RBMS3: variants seen among roughly 807,000 people sequenced by gnomAD.
The protein encoded by RBMS3 is RNA binding motif single stranded interacting protein 3.
In RBMS3, 27 loss-of-function variants were observed where a neutral mutation model predicts 66.8. That is an observed-to-expected ratio of 0.40 (90% CI 0.30 to 0.56). RBMS3 has a LOEUF of 0.56. Ranked by LOEUF, RBMS3 falls within the 20% of genes least tolerant of loss-of-function variation. The pLI is 0.40. For missense variants in RBMS3, 513 were observed against 549.5 expected, an observed-to-expected ratio of 0.93 and a Z score of 0.66; for synonymous variants, 188 against 183.0, an observed-to-expected ratio of 1.03 and a Z score of -0.22.
intron 4 of RBMS3, among the ~76,000 whole-genome samples, chr3:29,673,326 C>A (rs2051087881): frequency 6.6e-6 from 1 of 152,044 alleles, no homozygotes; most frequent in Non-Finnish European, 1.5e-5. Context: ...CCTAAAATCA[C>A]AATTAAAAGA....
At chr3:29,805,220 C>T (rs1421690102) in intron 6 of RBMS3, among the ~76,000 whole-genome samples, 1 of 151,950 alleles carries the variant, frequency 6.6e-6, no homozygotes, top group African/African-American at 2.4e-5. Context: ...TAGCACAATG[C>T]TCTGCTTACA....
At chr3:29,797,433 A>G (rs1426666781) in intron 6 of RBMS3, among the ~76,000 whole-genome samples, 2 of 152,198 alleles carry the variant, frequency 1.3e-5, no homozygotes, top group Admixed American at 1.3e-4. Flanking sequence ...AAATGTAGCT[A>G]GTTTGATCTT....
At chr3:29,819,884 A>G (rs2058026380) in intron 6 of RBMS3, among the ~76,000 whole-genome samples, 1 of 152,090 alleles carries the variant, frequency 6.6e-6, no homozygotes, top group Non-Finnish European at 1.5e-5. Flanking sequence ...TGTTTTTATA[A>G]TCTACTCCTT....
At chr3:29,640,255 TACAC>T (rs34719305) in intron 4 of RBMS3, among the ~76,000 whole-genome samples, 3,787 of 140,072 alleles carry the variant, frequency 0.027, 52 homozygotes, top group Admixed American at 0.037. Flanking sequence ...ACATTTTGGT[TACAC>T]ACACACACAC....
chr3:29,760,729 G>C (rs143924948), intron 5 of RBMS3, among the ~76,000 whole-genome samples: 115 of 151,836 alleles, frequency 7.6e-4, no homozygotes, highest in Non-Finnish European at 1.5e-3. Flanking sequence ...AAACTTGAAA[G>C]AGTTAGGAAA....
chr3:29,403,006 GA>G (rs952591833), intron 1 of RBMS3, among the ~76,000 whole-genome samples: 44 of 147,356 alleles, frequency 3.0e-4, no homozygotes, highest in East Asian at 9.9e-4. Context: ...TGTAGCAACT[GA>G]AAAAAAAAAG....
chr3:29,996,863 A>C (rs1051187607), intron 14 of RBMS3, among the ~76,000 whole-genome samples: 5 of 152,068 alleles, frequency 3.3e-5, no homozygotes, highest in Non-Finnish European at 5.9e-5. Flanking sequence ...AAGAACTAGA[A>C]AAGCAAGAGC....
At chr3:29,283,164 C>T (rs1330484637) in intron 1 of RBMS3, among the ~76,000 whole-genome samples, 1 of 152,092 alleles carries the variant, frequency 6.6e-6, no homozygotes, top group Non-Finnish European at 1.5e-5. Context: ...ACAGTCATTT[C>T]TCATGCCTCA....
At chr3:29,486,411 G>A (rs1452751371) in intron 2 of RBMS3, among the ~76,000 whole-genome samples, 1 of 152,104 alleles carries the variant, frequency 6.6e-6, no homozygotes, top group Non-Finnish European at 1.5e-5. Flanking sequence ...CCATTGTTTT[G>A]TGATTCTGTG....
chr3:29,965,913 G>A (rs190911642), intron 12 of RBMS3, among the ~76,000 whole-genome samples: 237 of 152,208 alleles, frequency 1.6e-3, no homozygotes, highest in African/African-American at 5.4e-3. Context: ...TATAAGGTGA[G>A]AGATGAGGAT....
intron 4 of RBMS3, among the ~76,000 whole-genome samples, chr3:29,687,624 C>G (rs1030309874): frequency 6.6e-6 from 1 of 152,108 alleles, no homozygotes; most frequent in Non-Finnish European, 1.5e-5. Flanking sequence ...TAATTAGACA[C>G]AAAGGTTTTC....
chr3:29,338,091 G>A (rs1486046722), intron 1 of RBMS3, among the ~76,000 whole-genome samples: 2 of 152,108 alleles, frequency 1.3e-5, no homozygotes, highest in Admixed American at 6.6e-5. Flanking sequence ...AAGATGTAGG[G>A]ATCTGGGAAC....
chr3:29,745,203 T>C (rs1380277430), intron 5 of RBMS3, among the ~76,000 whole-genome samples: 2 of 152,186 alleles, frequency 1.3e-5, no homozygotes, highest in Admixed American at 6.5e-5. Context: ...AAGCACAAGA[T>C]AGTGTCTGAA....
chr3:29,420,400 G>T (rs373482185), intron 1 of RBMS3, among the ~76,000 whole-genome samples: 1 of 152,254 alleles, frequency 6.6e-6, no homozygotes, highest in Non-Finnish European at 1.5e-5. Context: ...ATGCTGGGCA[G>T]TTGCATCGCA....
intron 10 of RBMS3, among the ~76,000 whole-genome samples, chr3:29,910,230 G>A (rs904908322): frequency 1.1e-4 from 17 of 152,016 alleles, no homozygotes; most frequent in Non-Finnish European, 2.2e-4. Flanking sequence ...TTACCAGGGC[G>A]ACAATCATAT....
chr3:29,286,231 GA>G (rs2032317829), intron 1 of RBMS3, among the ~76,000 whole-genome samples: 1 of 151,978 alleles, frequency 6.6e-6, no homozygotes, highest in Non-Finnish European at 1.5e-5. Context: ...AGACTGTATA[GA>G]ATTTTTAATT....
intron 6 of RBMS3, among the ~76,000 whole-genome samples, chr3:29,850,824 C>T (rs1286070529): frequency 6.6e-6 from 1 of 152,174 alleles, no homozygotes; most frequent in Non-Finnish European, 1.5e-5. Context: ...TCCTGCTAGC[C>T]TTTAGAGGTC....
At chr3:29,358,686 T>A (rs1191047232) in intron 1 of RBMS3, among the ~76,000 whole-genome samples, 2 of 152,228 alleles carry the variant, frequency 1.3e-5, no homozygotes, top group African/African-American at 4.8e-5. Flanking sequence ...GAACATGGAA[T>A]GTTCTTCCAT....
intron 3 of RBMS3, among the ~76,000 whole-genome samples, chr3:29,519,375 T>A (rs979098508): frequency 2.0e-5 from 3 of 152,074 alleles, no homozygotes; most frequent in African/African-American, 7.2e-5. Flanking sequence ...GGGACAGATG[T>A]GGGATGCAAG....
Sources: gnomAD v4.1 joint callset for allele counts (sites outside exome capture counted in the v4.1 genomes callset) on GRCh38, gnomAD v4.1.1 for gene constraint, MANE v1.5 for transcripts, NCBI Gene and HGNC (gene_info 2026-07-23, HGNC 2026-07-21) for gene names.